The following SPATS2L variants were observed in gnomAD, a reference collection of about 807,000 sequenced individuals.
SPATS2L encodes spermatogenesis associated serine rich 2 like, also known as SPATS2-like protein.
A neutral mutation model predicts 59.6 loss-of-function variants in SPATS2L; 30 were observed. The ratio of observed to expected loss-of-function variants is 0.50; its 90% CI spans 0.38 to 0.68. SPATS2L has a LOEUF of 0.68. SPATS2L is among the 30% of genes least tolerant of loss of function. SPATS2L has a pLI of 0.00. For missense variants in SPATS2L, 615 were observed against 700.0 expected (o/e 0.88, Z 1.37); for synonymous variants, 252 against 263.5 (o/e 0.96, Z 0.42).
intron 4 of SPATS2L, among the ~76,000 whole-genome samples, chr2:200,413,629 A>G (rs1321008804): frequency 1.3e-5 from 2 of 152,184 alleles, no homozygotes; most frequent in East Asian, 3.8e-4. Context: ...GTTGTATCCT[A>G]TTTACAGTTT....
chr2:200,406,709 T>C (rs1316073167), intron 3 of SPATS2L, among the ~76,000 whole-genome samples: 1 of 152,258 alleles, frequency 6.6e-6, no homozygotes, highest in Non-Finnish European at 1.5e-5. Flanking sequence ...TGCAGTGATA[T>C]ATTTTAATTT....
Position 200,396,502 on chromosome 2 carries a change from G to A in SPATS2L, c.39+7219G>A, listed in dbSNP as rs188530280. On this transcript the variant is annotated intron_variant, in intron 3 of 12. Coordinates refer to ENST00000409140, the MANE Select transcript of SPATS2L (RefSeq NM_001100423.2). ...TTTTTAATTATTTTTGAATAAATAT[G>A]TACTATTTTATTATTTTTTCTTGTA... 2.5e-4 allele frequency among the ~76,000 whole-genome samples: 38 copies of A among 152,192 alleles called. 1 individual carries two copies. In the East Asian group the frequency reaches 5.8e-3, roughly 23 times the overall value.
chr2:200,441,814 T>C (rs78923870), intron 8 of SPATS2L, among the ~76,000 whole-genome samples: 6,634 of 152,282 alleles, frequency 0.044, 203 homozygotes, highest in African/African-American at 0.082. Context: ...CTATATCTCA[T>C]TGGCCTCCCG....
Position 200,440,874 on chromosome 2 carries a change from A to G in SPATS2L, c.788+90A>G. 2.1e-6 allele frequency: 3 copies of G among 1,398,714 alleles called. No homozygotes were observed. In the Admixed American group the frequency reaches 6.0e-5, roughly 28 times the overall value. The allele number at this position is 1,398,714 out of a possible 1,614,324, so 86.6% of individuals were successfully genotyped here. A position where few individuals can be genotyped will look rare whatever the true frequency, so the allele number is the denominator to read the frequency against. ...TCAGATGGAAAACGTTGTTTATTTA[A>G]TACATAAACATCACAGAATAACTCT... On this transcript the variant is annotated intron_variant, in intron 8 of 12. Coordinates refer to ENST00000409140, the MANE Select transcript of SPATS2L (RefSeq NM_001100423.2).
chr2:200,455,342 T>G (rs1315030898), intron 8 of SPATS2L, among the ~76,000 whole-genome samples: 1 of 152,154 alleles, frequency 6.6e-6, no homozygotes, highest in East Asian at 1.9e-4. Context: ...CAGAGCTGAT[T>G]AGATGAAGAG....
At chr2:200,345,038 A>T (rs2080466007) in intron 2 of SPATS2L, among the ~76,000 whole-genome samples, 1 of 152,112 alleles carries the variant, frequency 6.6e-6, no homozygotes. Context: ...CTGTTGATTG[A>T]TGGTTTCTTT....
chr2:200,410,832 C>G (rs1197525553), intron 3 of SPATS2L, among the ~76,000 whole-genome samples: 1 of 152,016 alleles, frequency 6.6e-6, no homozygotes. Flanking sequence ...AGTTTGATTG[C>G]TTGTCAGATA....
intron 2 of SPATS2L, among the ~76,000 whole-genome samples, chr2:200,380,846 T>C (rs1238000805): frequency 6.6e-6 from 1 of 152,254 alleles, no homozygotes; most frequent in Non-Finnish European, 1.5e-5. Context: ...CCAATCTAAG[T>C]ATATTCATAT....
intron 3 of SPATS2L, among the ~76,000 whole-genome samples, chr2:200,396,020 A>AT (rs1207157033): frequency 2.3e-5 from 1 of 43,138 alleles, no homozygotes; most frequent in African/African-American, 6.0e-5. Flanking sequence ...GGAAAAAAAA[A>AT]AAAAAAAAAA....
At chr2:200,473,083 GAA>G (rs11402412) in intron 12 of SPATS2L, 31 bp downstream of exon 12, 1,803 of 1,218,388 alleles carry the variant, frequency 1.5e-3, no homozygotes, top group Middle Eastern at 1.8e-3. Context: ...GGTGCCAGAG[GAA>G]AAAAAAAAAA....
At chr2:200,361,426 T>C (rs295125) in intron 2 of SPATS2L, among the ~76,000 whole-genome samples, 149,483 of 152,300 alleles carry the variant, frequency 0.98, 73,411 homozygotes, top group Middle Eastern at 1. Context: ...AGAATTCTAA[T>C]ATGACATTCT....
At chr2:200,409,738 T>C (rs76435253) in intron 3 of SPATS2L, among the ~76,000 whole-genome samples, 2,235 of 152,346 alleles carry the variant, frequency 0.015, 46 homozygotes, top group African/African-American at 0.048. Context: ...GTATCTGATA[T>C]TCAGTTAGAT....
At chr2:200,439,553 T>C (rs1384306752) in intron 7 of SPATS2L, among the ~76,000 whole-genome samples, 4 of 152,202 alleles carry the variant, frequency 2.6e-5, no homozygotes, top group Admixed American at 6.5e-5. Context: ...TCTCTGCCCC[T>C]CTGAGACCAT....
rs1574745722 is a variant in SPATS2L at position 200,473,105 on chromosome 2, T to A, written c.1281+53T>A. 2.1e-6 allele frequency: 3 copies of A among 1,437,348 alleles called. No individual in the cohort carries two copies. The East Asian group carries it at 7.3e-5, about 35-fold the overall frequency. 89.0% of individuals were successfully genotyped at this position (1,437,348 alleles called of 1,614,324 possible). On this transcript the variant is annotated intron_variant, in intron 12 of 12. Transcript: ENST00000409140. ...GAGGAAAAAAAAAAAAAAACCTGTT[T>A]CCAGAGGAAGAAAACAGCAACTACT...
intron 2 of SPATS2L, among the ~76,000 whole-genome samples, chr2:200,338,467 A>T (rs2080214840): frequency 6.6e-6 from 1 of 152,188 alleles, no homozygotes; most frequent in African/African-American, 2.4e-5. Context: ...TCAGCAAGTG[A>T]TGAGAGCTGC....
intron 3 of SPATS2L, among the ~76,000 whole-genome samples, chr2:200,396,031 A>AAATATAAATAT (rs1553520535): frequency 3.2e-5 from 1 of 30,958 alleles, no homozygotes; most frequent in African/African-American, 9.0e-5. Flanking sequence ...AAAAAAAAAA[A>AAATATAAATAT]AAATATATAT....
intron 2 of SPATS2L, among the ~76,000 whole-genome samples, chr2:200,342,811 T>C (rs1367352425): frequency 6.6e-6 from 1 of 152,234 alleles, no homozygotes; most frequent in African/African-American, 2.4e-5. Context: ...TCTCCAAATA[T>C]AGCATGTGGT....
rs141831238 is a variant in SPATS2L, at chr2:200,468,347, TACAC to T, written c.957+977_957+980del. 7.3e-4 allele frequency among the ~76,000 whole-genome samples: 80 copies of T among 110,154 alleles called. 1 individual carries two copies. Among genetic ancestry groups the T allele is most frequent in the Non-Finnish European group, 1.3e-3 (68 of 53,446 alleles). The allele number at this position is 110,154 out of a possible 152,430, so 72.3% of individuals were successfully genotyped here. On this transcript the variant is annotated intron_variant, in intron 10 of 12. Coordinates refer to ENST00000409140, the MANE Select transcript of SPATS2L (RefSeq NM_001100423.2). The stretch of plus-strand genomic sequence containing the variant: ...TTATCCACTTTTTCACCCAGTATAC[TACAC>T]ACACACACACACACACACACACACA...
chr2:200,358,384 T>G (rs770174862), intron 2 of SPATS2L, among the ~76,000 whole-genome samples: 1 of 152,240 alleles, frequency 6.6e-6, no homozygotes, highest in Non-Finnish European at 1.5e-5. Flanking sequence ...ACACCGCTAT[T>G]CCATGTCTTT....
Sources: allele counts gnomAD v4.1 joint callset (sites outside exome capture counted in the v4.1 genomes callset), GRCh38; gene constraint gnomAD v4.1.1; transcripts MANE v1.5; gene names NCBI Gene and HGNC (gene_info 2026-07-23, HGNC 2026-07-21).